LUZP2: variants seen among roughly 807,000 people sequenced by gnomAD.
LUZP2 encodes the protein leucine zipper protein 2.
A neutral mutation model predicts 51.6 loss-of-function variants in LUZP2; 52 were observed. The ratio of observed to expected loss-of-function variants is 1.01; its 90% CI spans 0.81 to 1.27. The LOEUF is 1.27. Among genes scored for constraint, LUZP2 ranks in the 50% most tolerant of loss-of-function variants. The pLI is 0.00. For missense variants in LUZP2, 436 were observed against 395.4 expected, an observed-to-expected ratio of 1.10 and a Z score of -0.87; for synonymous variants, 154 against 137.3, an observed-to-expected ratio of 1.12 and a Z score of -0.85.
chr11:25,062,444 T>C (rs1178257312), intron 10 of LUZP2, among the ~76,000 whole-genome samples: 1 of 145,896 alleles, frequency 6.9e-6, no homozygotes, highest in African/African-American at 2.5e-5. Context: ...AATATATATA[T>C]CTGCATGTGG....
intron 9 of LUZP2, among the ~76,000 whole-genome samples, chr11:24,998,986 C>A (rs1331368374): frequency 1.3e-5 from 2 of 152,110 alleles, no homozygotes; most frequent in African/African-American, 4.8e-5. Flanking sequence ...CCACCATTTT[C>A]CTTCAGGTTA....
At chr11:25,020,319 T>G (rs1294548019) in intron 9 of LUZP2, among the ~76,000 whole-genome samples, 4 of 152,228 alleles carry the variant, frequency 2.6e-5, no homozygotes, top group African/African-American at 9.6e-5. Context: ...AAAGACCATC[T>G]TCCATTTGTG....
intron 10 of LUZP2, among the ~76,000 whole-genome samples, chr11:25,062,086 C>CA (rs1010289830): frequency 8.1e-6 from 1 of 123,014 alleles, no homozygotes; most frequent in Non-Finnish European, 1.8e-5. Flanking sequence ...AAAGGAAAAA[C>CA]AAAAAACGAA....
Position 24,984,546 on chromosome 11 carries a change from ATAT to A in LUZP2, c.765+1254_765+1256del, listed in dbSNP as rs1565191507. ...ATTTTATATATATATATATATATAT[ATAT>A]AATTGTGAATTTTAAAAGCCACAAG... On this transcript the variant is annotated intron_variant, in intron 9 of 11. Transcript: ENST00000336930. 1.5e-4 allele frequency among the ~76,000 whole-genome samples: 16 copies of A among 107,446 alleles called. 2 individuals are homozygous for A. Among genetic ancestry groups the A allele is most frequent in the Admixed American group, 2.1e-4 (2 of 9,426 alleles). The allele number at this position is 107,446 out of a possible 152,430, so 70.5% of individuals were successfully genotyped here. A position where few individuals can be genotyped will look rare whatever the true frequency, so the allele number is the denominator to read the frequency against.
In LUZP2 at chr11:25,081,705, A is replaced by G. The variant is rs1859464917; in HGVS notation, c.*3047A>G. 1 of 152,178 alleles carries G rather than the reference A, an allele frequency of 6.6e-6. No homozygotes were observed. Among genetic ancestry groups the G allele is most frequent in the Non-Finnish European group, 1.5e-5 (1 of 68,008 alleles). The allele number at this position is 152,178 out of a possible 1,614,324, so 9.4% of individuals were successfully genotyped here. ...TAAAGGAATTAACACTTAAATCCCA[A>G]CCATCCTCATATAGAATAAAATATC... is the stretch of plus-strand genomic sequence containing the variant. On this transcript the variant is annotated 3_prime_UTR_variant, in exon 12 of 12. Coordinates refer to ENST00000336930, the MANE Select transcript of LUZP2 (RefSeq NM_001009909.4).
chr11:24,688,027 CTCTCTCTG>C (rs942800608), intron 1 of LUZP2, among the ~76,000 whole-genome samples: 2 of 152,070 alleles, frequency 1.3e-5, no homozygotes, highest in African/African-American at 4.8e-5. Context: ...CTTTCTCTCT[CTCTCTCTG>C]TCTCTGCCAA....
intron 7 of LUZP2, among the ~76,000 whole-genome samples, chr11:24,971,796 C>T (rs1855744600): frequency 6.6e-6 from 1 of 151,874 alleles, no homozygotes; most frequent in Non-Finnish European, 1.5e-5. Context: ...TCTGGTTTCC[C>T]AAGATCTCTT....
chr11:25,062,610 A>AAAAG (rs1565298476), intron 10 of LUZP2, among the ~76,000 whole-genome samples: 1 of 149,202 alleles, frequency 6.7e-6, no homozygotes, highest in East Asian at 2.0e-4. Context: ...AAAAAAAAAA[A>AAAAG]AAAGAAAGGA....
chr11:24,763,234 A>C lies in LUZP2; in HGVS notation c.334-12A>C. 1 of 1,279,088 alleles carries C rather than the reference A, an allele frequency of 7.8e-7. No individual in the cohort carries two copies. Among genetic ancestry groups the C allele is most frequent in the Non-Finnish European group, 1.1e-6 (1 of 944,358 alleles). The allele number at this position is 1,279,088 out of a possible 1,614,324, so 79.2% of individuals were successfully genotyped here. A position where few individuals can be genotyped will look rare whatever the true frequency, so the allele number is the denominator to read the frequency against. On this transcript the variant is annotated splice_polypyrimidine_tract_variant and intron_variant, in intron 4 of 11. Transcript: ENST00000336930. ...TTGGAATGTGTCTACATAATAGTCT[A>C]TTCATTTTCAGATTAATTTTTTAAA...
At chr11:24,741,973 C>CATTTATATATTATATATAAATATATAT (rs1859185369) in intron 4 of LUZP2, among the ~76,000 whole-genome samples, 1 of 31,600 alleles carries the variant, frequency 3.2e-5, no homozygotes, top group African/African-American at 7.5e-5. Flanking sequence ...TAAATATATA[C>CATTTATATATTATATATAAATATATAT]ATTTATATAT....
chr11:25,058,924 G>A (rs1326235637), intron 10 of LUZP2, among the ~76,000 whole-genome samples: 2 of 152,082 alleles, frequency 1.3e-5, no homozygotes, highest in Non-Finnish European at 2.9e-5. Flanking sequence ...GCATAAATTG[G>A]CATCATAGAA....
chr11:25,032,958 C>T (rs1378601610), intron 9 of LUZP2, among the ~76,000 whole-genome samples: 1 of 152,142 alleles, frequency 6.6e-6, no homozygotes, highest in East Asian at 1.9e-4. Flanking sequence ...TATTTGTTGG[C>T]TCTAATTTAG....
intron 5 of LUZP2, among the ~76,000 whole-genome samples, chr11:24,837,377 A>T (rs986123222): frequency 1.3e-5 from 2 of 151,732 alleles, no homozygotes; most frequent in Middle Eastern, 3.4e-3. Flanking sequence ...ACCCAATATG[A>T]ACCTTCAATT....
chr11:24,857,999 T>C, intron 5 of LUZP2, among the ~76,000 whole-genome samples: 1 of 152,140 alleles, frequency 6.6e-6, no homozygotes, highest in Middle Eastern at 3.2e-3. Context: ...GTGCAGTTTC[T>C]TTCTTTTTTT....
Position 24,557,561 on chromosome 11 carries a change from G to T in LUZP2, c.62+60256G>T, listed in dbSNP as rs1851909813. 2.0e-5 allele frequency among the ~76,000 whole-genome samples: 3 copies of T among 151,872 alleles called. No homozygotes were observed. The South Asian group carries it at 6.2e-4, about 31-fold the overall frequency. On this transcript the variant is annotated intron_variant, in intron 1 of 11. Coordinates refer to ENST00000336930, the MANE Select transcript of LUZP2 (RefSeq NM_001009909.4). ...CAAATGCAAGGGAAAGAGTCATTTTGTATTAAATACTCACAAAGCCATAAT... is the reference window on the plus strand; with the variant it reads ...CAAATGCAAGGGAAAGAGTCATTTTTTATTAAATACTCACAAAGCCATAAT...
At chr11:24,934,606 A>G (rs1285580868) in intron 7 of LUZP2, among the ~76,000 whole-genome samples, 1 of 151,052 alleles carries the variant, frequency 6.6e-6, no homozygotes, top group Non-Finnish European at 1.5e-5. Context: ...TCAGGATTTG[A>G]AAAAAAAATG....
intron 1 of LUZP2, among the ~76,000 whole-genome samples, chr11:24,602,221 T>C (rs537825220): frequency 5.1e-5 from 4 of 77,736 alleles, no homozygotes; most frequent in African/African-American, 1.5e-4. Context: ...TATATGTATA[T>C]ATGTACATAT....
intron 1 of LUZP2, among the ~76,000 whole-genome samples, chr11:24,543,117 T>A (rs1851432124): frequency 6.6e-6 from 1 of 152,040 alleles, no homozygotes; most frequent in African/African-American, 2.4e-5. Context: ...TTTTCAGGTG[T>A]GCATATATTT....
intron 5 of LUZP2, among the ~76,000 whole-genome samples, chr11:24,835,976 A>T (rs1334109008): frequency 6.6e-6 from 1 of 152,026 alleles, no homozygotes; most frequent in African/African-American, 2.4e-5. Flanking sequence ...AAAAAATTTA[A>T]TCAAGTCATA....
Sources: gnomAD v4.1 joint callset for allele counts (sites outside exome capture counted in the v4.1 genomes callset) on GRCh38, gnomAD v4.1.1 for gene constraint, MANE v1.5 for transcripts, NCBI Gene and HGNC (gene_info 2026-07-23, HGNC 2026-07-21) for gene names.